Variants in KIF15 observed in about 807,000 individuals in gnomAD.
KIF15 encodes the protein kinesin-like protein KIF15.
A neutral mutation model predicts 190.6 loss-of-function variants in KIF15; 140 were observed. That is an observed-to-expected ratio of 0.73 (90% CI 0.64 to 0.84). The LOEUF is 0.84. Among genes scored for constraint, KIF15 ranks in the 40% least tolerant of loss-of-function variants. The probability of loss-of-function intolerance (pLI) is 0.00; values close to 1 mark genes in which losing one functional copy is unlikely to be tolerated. For missense variants in KIF15, 1,372 were observed against 1,584.4 expected (o/e 0.87, Z 2.28); for synonymous variants, 528 against 551.3 (o/e 0.96, Z 0.59).
At chr3:44,865,049 G>A (rs545987183) in intron 6 of KIF15, 2 of 1,614,034 alleles carry the variant, frequency 1.2e-6, no homozygotes, top group South Asian at 2.2e-5. Context: ...GGCCTTCCTG[G>A]GCTATGTGCT....
chr3:44,833,140 G>A (rs887211702), intron 26 of KIF15, among the ~76,000 whole-genome samples: 2 of 152,174 alleles, frequency 1.3e-5, no homozygotes, highest in Admixed American at 1.3e-4. Flanking sequence ...TGTGACCTTG[G>A]GGAAGTTAAA....
downstream of KIF15, among the ~76,000 whole-genome samples, chr3:44,857,484 C>T (rs915125098): frequency 2.0e-5 from 3 of 152,090 alleles, no homozygotes; most frequent in East Asian, 1.9e-4. Context: ...GTAAGAATTC[C>T]GACTGCACAG....
In KIF15 at chr3:44,780,913, A is replaced by G; in HGVS notation, c.352A>G (p.Thr118Ala). Residue 118 changes from threonine to alanine, a missense_variant, in exon 5 of 35, where the codon ACT becomes GCT. Physicochemically the swap from Thr to Ala is moderately conservative, Grantham distance 58 (BLOSUM62 0). Transcript: ENST00000326047. ...YGQTGSGKTF[T>A]MMGPSESDNF... ...ACAGACTGGCTCAGGGAAGACATTT[A>G]CTATGATGGGTAAGTAAAGATTAAC... 6.2e-7 allele frequency: 1 copy of G among 1,601,246 alleles called. No individual in the cohort carries two copies. Among genetic ancestry groups the G allele is most frequent in the Non-Finnish European group, 8.5e-7 (1 of 1,170,682 alleles).
chr3:44,794,410 A>G lies in KIF15; in HGVS notation c.833A>G (p.Glu278Gly). The G allele has an allele frequency of 6.2e-7, 1 of 1,602,574 alleles. No homozygotes were observed. The highest frequency in any genetic ancestry group is 8.5e-7 in the Non-Finnish European group (1 of 1,173,640). The part of the protein sequence containing the change: ...GSERQKDTHA[E>G]GMRLKEAGNI... Reference sequence around the variant, plus strand: ...GAAAGGCAAAAAGATACCCATGCAGAAGGGATGAGATTGAAGGTAAGAATG... The same window carrying G: ...GAAAGGCAAAAAGATACCCATGCAGGAGGGATGAGATTGAAGGTAAGAATG... The change falls in exon 8 of 35, where the codon GAA becomes GGA. Residue 278 changes from glutamate to glycine, a missense_variant. Transcript: ENST00000326047.
intron 20 of KIF15, among the ~76,000 whole-genome samples, chr3:44,823,053 T>C (rs138594234): frequency 0.019 from 2,834 of 152,328 alleles, 76 homozygotes; most frequent in African/African-American, 0.063. Flanking sequence ...CTATTGCTGG[T>C]GAGGAGCTAC....
At chr3:44,861,784 G>A in intron 6 of KIF15, 1 of 981,298 alleles carries the variant, frequency 1.0e-6, no homozygotes. Context: ...CGCCCCCTCC[G>A]AGGCGCCGGA....
chr3:44,777,846 T>C (rs1285736264), intron 3 of KIF15, among the ~76,000 whole-genome samples: 1 of 152,254 alleles, frequency 6.6e-6, no homozygotes, highest in Non-Finnish European at 1.5e-5. Context: ...CGTTTATTTA[T>C]GCTAGTACCA....
At chr3:44,811,143 T>C (rs1410289400) in intron 17 of KIF15, 100 bp downstream of exon 17, 4 of 875,072 alleles carry the variant, frequency 4.6e-6, no homozygotes, top group Non-Finnish European at 6.9e-6. Context: ...TCAAAAGTGC[T>C]TAGTATTAAA....
Position 44,826,395 on chromosome 3 carries a change from G to A in KIF15, c.2721G>A (p.Glu907=). 1 of 1,612,806 alleles carries A rather than the reference G, an allele frequency of 6.2e-7. No homozygotes were observed. Among genetic ancestry groups the A allele is most frequent in the Non-Finnish European group, 8.5e-7 (1 of 1,179,506 alleles). The change falls in exon 22 of 35, where the codon GAG becomes GAA. Residue 907 remains glutamate, a synonymous_variant. Coordinates refer to ENST00000326047, the MANE Select transcript of KIF15 (RefSeq NM_020242.3). ...SDLNNLMELL[E]AEKERNNKLS... ...TTTAGAATTTGATGGAGCTTCTTGA[G>A]GCAGAAAAAGAACGCAATAACAAAT...
At chr3:44,767,197 ACT>A (rs1418864501) in intron 1 of KIF15, among the ~76,000 whole-genome samples, 1 of 152,022 alleles carries the variant, frequency 6.6e-6, no homozygotes, top group African/African-American at 2.4e-5. Flanking sequence ...CAATCTCTGA[ACT>A]CTTTTTTAAC....
intron 5 of KIF15, 87 bp from the exon 6 acceptor site, chr3:44,784,758 G>GT: frequency 1.4e-6 from 1 of 699,510 alleles, no homozygotes; most frequent in Admixed American, 3.0e-5. Context: ...ATTGTATGGT[G>GT]TATCATCTAA....
intron 7 of KIF15, among the ~76,000 whole-genome samples, chr3:44,787,475 C>T (rs1437873009): frequency 6.6e-6 from 1 of 152,038 alleles, no homozygotes; most frequent in African/African-American, 2.4e-5. Flanking sequence ...ATTCTTTTAT[C>T]TTCAATAAAA....
chr3:44,779,592 TG>T (rs1478851399), intron 4 of KIF15, among the ~76,000 whole-genome samples: 2 of 152,110 alleles, frequency 1.3e-5, no homozygotes, highest in Non-Finnish European at 2.9e-5. Context: ...CCCAGCACTT[TG>T]GGGGGCCGAG....
At chr3:44,850,069 G>A (rs1385265364) in intron 32 of KIF15, among the ~76,000 whole-genome samples, 1 of 152,122 alleles carries the variant, frequency 6.6e-6, no homozygotes, top group Non-Finnish European at 1.5e-5. Flanking sequence ...TAAGTAAATG[G>A]CAATGAAGGA....
In KIF15 at chr3:44,802,930, G is replaced by T; in HGVS notation, c.1626G>T (p.Gln542His). The change falls in exon 14 of 35, where the codon CAG becomes CAT. Residue 542 changes from glutamine (Q) to histidine (H), a missense_variant. By Grantham distance (24) the Gln-to-His change is conservative. Transcript: ENST00000326047. ...PVKRAQEMDA[Q>H]TIAKLEKAFS... The stretch of plus-strand genomic sequence containing the variant: ...AAAGAGCTCAAGAAATGGATGCCCA[G>T]ACCATTGCAAAACTAGAAAAAGCTT... 1 of 1,608,294 alleles carries T rather than the reference G, an allele frequency of 6.2e-7. No individual in the cohort carries two copies. Among genetic ancestry groups the T allele is most frequent in the Non-Finnish European group, 8.5e-7 (1 of 1,178,698 alleles).
Position 44,801,817 on chromosome 3 carries a change from A to C in KIF15, c.1352A>C (p.Lys451Thr). ...GAAGACCTCACCCTCAAAAAGGAAA[A>C]ATTTATTCAATCTAATAAAATGATT... The part of the protein sequence containing the change: ...QLEDLTLKKE[K>T]FIQSNKMIVK... The change falls in exon 13 of 35, where the codon AAA becomes ACA. Residue 451 changes from lysine to threonine, a missense_variant. Coordinates refer to ENST00000326047, the MANE Select transcript of KIF15 (RefSeq NM_020242.3). The C allele has an allele frequency of 3.7e-6, 6 of 1,608,874 alleles. No individual in the cohort carries two copies. Among genetic ancestry groups the C allele is most frequent in the Non-Finnish European group, 5.1e-6 (6 of 1,176,186 alleles).
intron 30 of KIF15, among the ~76,000 whole-genome samples, chr3:44,844,900 C>A (rs1698773506): frequency 6.6e-6 from 1 of 152,122 alleles, no homozygotes; most frequent in African/African-American, 2.4e-5. Context: ...AGTTGTGAAA[C>A]CAAAGAGGGA....
chr3:44,796,143 G>A (rs576173306), intron 8 of KIF15, among the ~76,000 whole-genome samples: 45 of 152,312 alleles, frequency 3.0e-4, no homozygotes, highest in African/African-American at 1.0e-3. Flanking sequence ...GATTACAGGC[G>A]TTAGCCACCA....
At chr3:44,862,263 C>A in intron 6 of KIF15, 1 of 486,670 alleles carries the variant, frequency 2.1e-6, no homozygotes, top group Non-Finnish European at 2.7e-6. Flanking sequence ...GCCGGTCTGT[C>A]CCGCCGGGGC....
Sources: gnomAD v4.1 joint callset for allele counts (sites outside exome capture counted in the v4.1 genomes callset) on GRCh38, gnomAD v4.1.1 for gene constraint, MANE v1.5 for transcripts, NCBI Gene and HGNC (gene_info 2026-07-23, HGNC 2026-07-21) for gene names.